Variants in PCDHGB4 observed in about 807,000 individuals in gnomAD.
PCDHGB4 encodes the protein protocadherin gamma-B4.
PCDHGB4 carries 38 observed loss-of-function variants against 60.5 expected under a neutral mutation model. The ratio of observed to expected loss-of-function variants is 0.63; its 90% CI spans 0.48 to 0.82. The LOEUF is 0.82. Ranked by LOEUF, PCDHGB4 falls within the 40% of genes least tolerant of loss-of-function variation. PCDHGB4 has a pLI of 0.00. For synonymous variants in PCDHGB4, 456 were observed against 509.7 expected (o/e 0.89, Z 1.42); for missense variants, 1,109 against 1,209.6 (o/e 0.92, Z 1.23).
Position 141,390,007 on chromosome 5 carries a change from C to G in PCDHGB4, c.2123C>G (p.Ala708Gly), listed in dbSNP as rs778827419. The G allele has an allele frequency of 1.9e-6, 3 of 1,614,058 alleles. No homozygotes were observed. Among genetic ancestry groups the G allele is most frequent in the South Asian group, 2.2e-5 (2 of 91,086 alleles). ...SVLFLVAMILAIALRLRRSSS... is the reference protein window; with the variant it reads ...SVLFLVAMILGIALRLRRSSS... ...CTCTTCCTCGTGGCCATGATTCTGG[C>G]CATTGCCTTGCGCCTGCGACGCTCC... The change falls in exon 1 of 4, where the codon GCC becomes GGC. Residue 708 changes from alanine (A) to glycine (G), a missense_variant. Ala to Gly is a moderately conservative substitution (Grantham distance 60, BLOSUM62 0). Around this residue, in one of 2 missense-constraint regions of PCDHGB4, gnomAD observed 1,068 missense variants for 1,089.9 expected, o/e 0.98. Coordinates refer to ENST00000519479, the MANE Select transcript of PCDHGB4 (RefSeq NM_003736.4).
intron 1 of PCDHGB4, chr5:141,422,942 G>C (rs199976232): frequency 6.2e-7 from 1 of 1,614,214 alleles, no homozygotes; most frequent in East Asian, 2.2e-5. Flanking sequence ...CCCACAGACG[G>C]CTCCACTGGC....
chr5:141,408,903 A>C, intron 1 of PCDHGB4: 1 of 1,613,512 alleles, frequency 6.2e-7, no homozygotes, highest in Non-Finnish European at 8.5e-7. Context: ...TCTGTCAAGG[A>C]TACCAATGAT....
chr5:141,494,182 C>T (rs188628485), intron 1 of PCDHGB4, among the ~76,000 whole-genome samples: 132 of 152,244 alleles, frequency 8.7e-4, no homozygotes, highest in African/African-American at 3.1e-3. Flanking sequence ...AGAAGTGTCC[C>T]GGGACTTGGA....
chr5:141,406,258 G>A (rs895877034), intron 1 of PCDHGB4, among the ~76,000 whole-genome samples: 2 of 151,882 alleles, frequency 1.3e-5, no homozygotes, highest in African/African-American at 4.8e-5. Context: ...GGTCTCAAAC[G>A]ATCTTCCTGC....
At chr5:141,392,816 G>C (rs1442012424) in intron 1 of PCDHGB4, 3 of 1,587,594 alleles carry the variant, frequency 1.9e-6, no homozygotes, top group Admixed American at 3.6e-5. Context: ...AAACAACAAT[G>C]GCCGCTCCAC....
intron 1 of PCDHGB4, chr5:141,412,841 G>A (rs1285924844): frequency 4.9e-6 from 1 of 206,050 alleles, no homozygotes; most frequent in Non-Finnish European, 9.6e-6. Flanking sequence ...AAAGATAGGA[G>A]TGGAGAAACC....
At chr5:141,449,252 T>C (rs1401555556) in intron 1 of PCDHGB4, among the ~76,000 whole-genome samples, 1 of 152,144 alleles carries the variant, frequency 6.6e-6, no homozygotes, top group Non-Finnish European at 1.5e-5. Flanking sequence ...GTTGCAAGAA[T>C]TGTACAAAGA....
Position 141,389,379 on chromosome 5 carries a change from C to G in PCDHGB4, c.1495C>G (p.Leu499Val). Residue 499 changes from leucine (L) to valine (V), a missense_variant, in exon 1 of 4, where the codon CTG becomes GTG. By Grantham distance (32) the Leu-to-Val change is conservative. Coordinates refer to ENST00000519479, the MANE Select transcript of PCDHGB4 (RefSeq NM_003736.4). ...GGCCAGTGACCTGGAGCAGCGGGAGCTGTCATCCTACGTGTCCATAAGCGC... is the reference window on the plus strand; with the variant it reads ...GGCCAGTGACCTGGAGCAGCGGGAGGTGTCATCCTACGTGTCCATAAGCGC... ...IMASDLEQRE[L>V]SSYVSISAES... is the part of the protein sequence containing the mutation. 6.2e-7 allele frequency: 1 copy of G among 1,613,770 alleles called. No homozygotes were observed. Among genetic ancestry groups the G allele is most frequent in the Non-Finnish European group, 8.5e-7 (1 of 1,179,912 alleles).
chr5:141,419,332 C>A, intron 1 of PCDHGB4: 1 of 1,613,950 alleles, frequency 6.2e-7, no homozygotes, highest in South Asian at 1.1e-5. Context: ...CCTACTCTCT[C>A]ATTGCCAGCG....
chr5:141,441,993 G>T (rs577673608), intron 1 of PCDHGB4: 16 of 251,180 alleles, frequency 6.4e-5, no homozygotes, highest in East Asian at 3.9e-4. Flanking sequence ...CACCGACGAG[G>T]TGCTGACAGC....
chr5:141,423,706 A>C (rs1045905298), intron 1 of PCDHGB4: 1 of 1,231,762 alleles, frequency 8.1e-7, no homozygotes, highest in Admixed American at 3.4e-5. Context: ...TCTTGGCACA[A>C]GTCTTTTAAG....
At chr5:141,444,783 C>A (rs551686741) in intron 1 of PCDHGB4, among the ~76,000 whole-genome samples, 2 of 152,100 alleles carry the variant, frequency 1.3e-5, no homozygotes, top group Non-Finnish European at 2.9e-5. Context: ...GATCATGTTT[C>A]ATTTGTCTAT....
At chr5:141,433,028 G>C in intron 1 of PCDHGB4, 1 of 1,614,116 alleles carries the variant, frequency 6.2e-7, no homozygotes, top group Non-Finnish European at 8.5e-7. Context: ...TTCCCACGAG[G>C]TTTCCCTCAC....
intron 1 of PCDHGB4, chr5:141,471,433 T>C (rs2099257619): frequency 6.6e-6 from 1 of 152,162 alleles, no homozygotes; most frequent in African/African-American, 2.4e-5. Flanking sequence ...GGAAAGTGTA[T>C]AATCTCATGT....
chr5:141,462,414 T>C (rs549473269), intron 1 of PCDHGB4, among the ~76,000 whole-genome samples: 1 of 152,360 alleles, frequency 6.6e-6, no homozygotes, highest in Non-Finnish European at 1.5e-5. Flanking sequence ...CAGAATATGG[T>C]CTATCTTGGT....
rs756330109 is a variant in PCDHGB4, at chr5:141,432,621, T to A, written c.2397+42340T>A. ...GAGCCGGGACTCTTCTCGGTGGGTC[T>A]GCACACGGGCGAGGTGCGCACGGCG... On this transcript the variant is annotated intron_variant, in intron 1 of 3. Transcript: ENST00000519479. This position sits in a 1 kb window ranked among gnomAD's most constrained non-coding sequence, Gnocchi z 6.0. The A allele has an allele frequency of 3.1e-6, 5 of 1,612,942 alleles. No homozygotes were observed. Among genetic ancestry groups the A allele is most frequent in the Admixed American group, 1.7e-5 (1 of 59,962 alleles).
chr5:141,432,935 C>T lies in PCDHGB4; in HGVS notation c.2397+42654C>T. The T allele has an allele frequency of 4.3e-6, 7 of 1,614,218 alleles. No homozygotes were observed. The highest frequency in any genetic ancestry group is 5.1e-6 in the Non-Finnish European group (6 of 1,180,046). On this transcript the variant is annotated intron_variant, in intron 1 of 3. Transcript: ENST00000519479. This position sits in a 1 kb window ranked among gnomAD's most constrained non-coding sequence, Gnocchi z 6.0. The stretch of plus-strand genomic sequence containing the variant: ...GCGCTGGCACAAGTCACGCCTGCTG[C>T]AGGCTTCAGGAGGCGGCTTGACAGG...
intron 1 of PCDHGB4, chr5:141,419,582 T>A (rs1474193256): frequency 6.2e-7 from 1 of 1,611,894 alleles, no homozygotes. Context: ...CTCCGCGCTC[T>A]TCGACACAGT....
In PCDHGB4 at chr5:141,485,089, G is replaced by C; in HGVS notation, c.2398-9718G>C. 9.7e-7 allele frequency: 1 copy of C among 1,027,236 alleles called. No individual in the cohort carries two copies. The highest frequency in any genetic ancestry group is 1.5e-6 in the Non-Finnish European group (1 of 674,564). The allele number at this position is 1,027,236 out of a possible 1,614,324, so 63.6% of individuals were successfully genotyped here. On this transcript the variant is annotated intron_variant, in intron 1 of 3. Coordinates refer to ENST00000519479, the MANE Select transcript of PCDHGB4 (RefSeq NM_003736.4). This position sits in a 1 kb window ranked among gnomAD's most constrained non-coding sequence, Gnocchi z 5.7. ...GAGCTGGCGCGGGGAAAGGGAGATA[G>C]GTGTCTCCAGCTGCTGTGGCTGTTT... is the stretch of plus-strand genomic sequence containing the variant.
Sources: allele counts gnomAD v4.1 joint callset (sites outside exome capture counted in the v4.1 genomes callset), GRCh38; gene constraint gnomAD v4.1.1; regional missense constraint gnomAD v4.1.1; non-coding constraint Gnocchi (gnomAD v3.1); transcripts MANE v1.5; gene names NCBI Gene and HGNC (gene_info 2026-07-23, HGNC 2026-07-21).